The following ADGRV1 variants were observed in gnomAD, a reference collection of about 807,000 sequenced individuals.
ADGRV1 encodes the protein G-protein coupled receptor 98.
ADGRV1 carries 359 observed loss-of-function variants against 596.2 expected under a neutral mutation model. The ratio of observed to expected loss-of-function variants is 0.60; its 90% confidence interval spans 0.55 to 0.66. The LOEUF (loss-of-function observed/expected upper bound fraction) is 0.66, where lower values mean the gene tolerates loss of function less well. Among genes scored for constraint, ADGRV1 ranks in the 30% least tolerant of loss-of-function variants. ADGRV1 has a pLI of 0.00. For synonymous variants in ADGRV1, 2,681 were observed against 2,679.2 expected, an observed-to-expected ratio of 1.00 and a Z score of -0.02; for missense variants, 7,274 against 7,575.6, an observed-to-expected ratio of 0.96 and a Z score of 1.48.
intron 1 of ADGRV1, among the ~76,000 whole-genome samples, chr5:90,562,736 A>G (rs1225715956): frequency 6.6e-6 from 1 of 152,204 alleles, no homozygotes; most frequent in Non-Finnish European, 1.5e-5. Context: ...GGCTGCTGGA[A>G]TCATTGTCCA....
intron 50 of ADGRV1, among the ~76,000 whole-genome samples, chr5:90,738,047 A>G (rs1753473971): frequency 6.6e-6 from 1 of 151,620 alleles, no homozygotes; most frequent in African/African-American, 2.4e-5. Flanking sequence ...ATGGTTTCCT[A>G]TGGTGGTCTG....
intron 83 of ADGRV1, among the ~76,000 whole-genome samples, chr5:90,950,987 C>T (rs1055853010): frequency 6.6e-6 from 1 of 152,162 alleles, no homozygotes; most frequent in Non-Finnish European, 1.5e-5. Flanking sequence ...TTTATATCCT[C>T]ATTCTCATTT....
At chr5:90,677,166 G>A (rs1744342968) in intron 25 of ADGRV1, among the ~76,000 whole-genome samples, 1 of 152,082 alleles carries the variant, frequency 6.6e-6, no homozygotes, top group Non-Finnish European at 1.5e-5. Flanking sequence ...TTATTATTTT[G>A]ATGAAGAAAG....
intron 24 of ADGRV1, among the ~76,000 whole-genome samples, chr5:90,675,808 G>T (rs367880648): frequency 1.4e-5 from 2 of 147,980 alleles, no homozygotes; most frequent in South Asian, 2.1e-4. Context: ...AAAGAAAAAA[G>T]AAAAATAAAA....
At chr5:90,662,935 A>G (rs1395535103) in intron 21 of ADGRV1, among the ~76,000 whole-genome samples, 2 of 151,122 alleles carry the variant, frequency 1.3e-5, no homozygotes, top group South Asian at 2.1e-4. Flanking sequence ...TACAAAGGAC[A>G]TGAACTCATC....
intron 76 of ADGRV1, among the ~76,000 whole-genome samples, chr5:90,827,307 G>A (rs1469028308): frequency 1.3e-5 from 2 of 152,076 alleles, no homozygotes; most frequent in South Asian, 4.1e-4. Flanking sequence ...TGCAAGTCTT[G>A]ATTTCTCATT....
intron 77 of ADGRV1, among the ~76,000 whole-genome samples, chr5:90,838,515 G>T (rs1765161004): frequency 6.6e-6 from 1 of 152,026 alleles, no homozygotes; most frequent in Admixed American, 6.6e-5. Context: ...CACCTCTCCT[G>T]ATCCAGACCC....
At position 91,153,323 on chromosome 5, in the gene ADGRV1, G is replaced by GGCA; in HGVS notation, c.18728_18729insCAG (p.Gly6243_Tyr6244insArg). ...TGGAGCCACGTTCCCGTCCTCTGGAGGATATGGCCAGGGGTCACTGATAGC... is the reference window on the plus strand; with the variant it reads ...TGGAGCCACGTTCCCGTCCTCTGGAGGCAGATATGGCCAGGGGTCACTGATAGC... On this transcript the variant is annotated inframe_insertion, in exon 89 of 90. Coordinates refer to ENST00000405460, the MANE Select transcript of ADGRV1 (RefSeq NM_032119.4). The GGCA allele has an allele frequency of 1.2e-6, 2 of 1,612,772 alleles. No homozygotes were observed. The highest frequency in any genetic ancestry group is 2.2e-5 in the South Asian group (2 of 90,708).
intron 52 of ADGRV1, among the ~76,000 whole-genome samples, chr5:90,748,829 T>TTTTTTTTTTTTTTTTTTTA: frequency 6.6e-6 from 1 of 151,624 alleles, no homozygotes. Flanking sequence ...TTTTGTTTTT[T>TTTTTTTTTTTTTTTTTTTA]TTTTAACTAG....
intron 85 of ADGRV1, among the ~76,000 whole-genome samples, chr5:91,037,506 A>G (rs1344718547): frequency 6.6e-6 from 1 of 152,182 alleles, no homozygotes; most frequent in Admixed American, 6.5e-5. Flanking sequence ...AAAGTTAGTT[A>G]TGTGGATGGA....
intron 21 of ADGRV1, among the ~76,000 whole-genome samples, chr5:90,669,956 C>G (rs1772203694): frequency 6.6e-6 from 1 of 152,214 alleles, no homozygotes; most frequent in African/African-American, 2.4e-5. Flanking sequence ...CATCTACACT[C>G]CCCCTGCTGT....
intron 74 of ADGRV1, among the ~76,000 whole-genome samples, chr5:90,814,493 T>C (rs556387907): frequency 6.6e-6 from 1 of 152,178 alleles, no homozygotes; most frequent in East Asian, 1.9e-4. Context: ...ATCCCCCAAA[T>C]CCCCATGTGT....
At chr5:91,040,162 A>C (rs1229998431) in intron 85 of ADGRV1, among the ~76,000 whole-genome samples, 4 of 152,194 alleles carry the variant, frequency 2.6e-5, no homozygotes, top group Non-Finnish European at 5.9e-5. Flanking sequence ...CAATTCAGAA[A>C]AAAATGCAGC....
Position 91,089,079 on chromosome 5 carries a change from C to T in ADGRV1, c.18311-13140C>T, listed in dbSNP as rs1350238894. ...GTTCACTCCCTTATGCATTAAAATC[C>T]CTGCCACACCTGTGGGTATTGTGCC... On this transcript the variant is annotated intron_variant, in intron 86 of 89. Coordinates refer to ENST00000405460, the MANE Select transcript of ADGRV1 (RefSeq NM_032119.4). 2.6e-5 allele frequency among the ~76,000 whole-genome samples: 4 copies of T among 152,008 alleles called. No homozygotes were observed. In the South Asian group the frequency reaches 8.3e-4, roughly 32 times the overall value.
chr5:90,813,132 C>CAAAAAAAAAAAAAAAAAAAAAAA lies in ADGRV1; in HGVS notation c.16078+1804_16078+1826dup. Among the ~76,000 whole-genome samples, 9 of 34,922 alleles carry CAAAAAAAAAAAAAAAAAAAAAAA rather than the reference C, an allele frequency of 2.6e-4. 1 individual carries two copies. Among genetic ancestry groups the CAAAAAAAAAAAAAAAAAAAAAAA allele is most frequent in the Admixed American group, 1.4e-3 (2 of 1,412 alleles). 22.9% of individuals were successfully genotyped at this position (34,922 alleles called of 152,430 possible). A position where few individuals can be genotyped will look rare whatever the true frequency, so the allele number is the denominator to read the frequency against. ...TGGGCGACAGAGTAAGACTCCGTCT[C>CAAAAAAAAAAAAAAAAAAAAAAA]AAAAAAAAAAAAAAAAAAAAAAAAA... On this transcript the variant is annotated intron_variant, in intron 74 of 89. Transcript: ENST00000405460.
At chr5:90,881,463 CT>C (rs1329649552) in intron 83 of ADGRV1, among the ~76,000 whole-genome samples, 1 of 152,130 alleles carries the variant, frequency 6.6e-6, no homozygotes, top group African/African-American at 2.4e-5. Context: ...ATAGGATTTT[CT>C]GATCACAAAT....
intron 85 of ADGRV1, among the ~76,000 whole-genome samples, chr5:91,071,206 A>G (rs1015461102): frequency 2.6e-5 from 4 of 152,154 alleles, no homozygotes; most frequent in Non-Finnish European, 1.5e-5. Flanking sequence ...AGGAGCAACA[A>G]TGGTCTCTGT....
intron 85 of ADGRV1, among the ~76,000 whole-genome samples, chr5:91,041,535 A>AT (rs202023734): frequency 0.081 from 12,368 of 151,974 alleles, 864 homozygotes; most frequent in Admixed American, 0.22. Context: ...TACCTAATGT[A>AT]GATGACGGGT....
At chr5:90,778,216 G>A (rs545089256) in intron 62 of ADGRV1, among the ~76,000 whole-genome samples, 173 bp downstream of exon 62, 4 of 151,874 alleles carry the variant, frequency 2.6e-5, no homozygotes, top group Non-Finnish European at 5.9e-5. Flanking sequence ...GTGTGTGTGT[G>A]TGTGGTGTGT....
Sources: gnomAD v4.1 joint callset for allele counts (sites outside exome capture counted in the v4.1 genomes callset) on GRCh38, gnomAD v4.1.1 for gene constraint, MANE v1.5 for transcripts, NCBI Gene and HGNC (gene_info 2026-07-23, HGNC 2026-07-21) for gene names.